The following STK39 variants were observed in gnomAD, a reference collection of about 807,000 sequenced individuals.
STK39 encodes STE20/SPS1-related proline-alanine-rich protein kinase.
In STK39, 20 loss-of-function variants were observed where a neutral mutation model predicts 77.8. The ratio of observed to expected loss-of-function variants is 0.26; its 90% CI spans 0.18 to 0.37. The LOEUF (loss-of-function observed/expected upper bound fraction) is 0.37. Ranked by LOEUF, STK39 falls within the 10% of genes least tolerant of loss-of-function variation. The pLI, the probability that STK39 is intolerant of heterozygous loss-of-function variation, is 1.00. For synonymous variants in STK39, 246 were observed against 234.1 expected, an observed-to-expected ratio of 1.05 and a Z score of -0.47; for missense variants, 479 against 656.5, an observed-to-expected ratio of 0.73 and a Z score of 2.95.
intron 16 of STK39, among the ~76,000 whole-genome samples, chr2:167,984,843 T>C (rs1247615046): frequency 6.6e-6 from 1 of 152,206 alleles, no homozygotes; most frequent in Non-Finnish European, 1.5e-5. Flanking sequence ...AACATTATAA[T>C]AGGTCAAATT....
chr2:168,026,686 C>A (rs946784305), intron 14 of STK39, among the ~76,000 whole-genome samples: 10 of 152,174 alleles, frequency 6.6e-5, no homozygotes, highest in African/African-American at 1.4e-4. Context: ...CCCAGTTATA[C>A]CCCTGCACTC....
At chr2:168,052,098 G>C (rs548593698) in intron 14 of STK39, among the ~76,000 whole-genome samples, 34 of 151,914 alleles carry the variant, frequency 2.2e-4, no homozygotes, top group African/African-American at 8.2e-4. Flanking sequence ...TTTGTCCTGA[G>C]ACCTAGAGGT....
At chr2:167,965,163 A>G (rs898964610) in intron 16 of STK39, among the ~76,000 whole-genome samples, 6 of 152,228 alleles carry the variant, frequency 3.9e-5, no homozygotes, top group African/African-American at 1.2e-4. Context: ...TTCTCTGGAA[A>G]TAGAAGGTCA....
intron 10 of STK39, among the ~76,000 whole-genome samples, chr2:168,100,411 T>C (rs190066394): frequency 1.3e-5 from 2 of 152,216 alleles, no homozygotes; most frequent in Admixed American, 1.3e-4. Flanking sequence ...AGCCTCAGTG[T>C]CTTCATTTAT....
intron 16 of STK39, among the ~76,000 whole-genome samples, chr2:167,983,241 G>T (rs1574365548): frequency 6.6e-6 from 1 of 152,028 alleles, no homozygotes; most frequent in South Asian, 2.1e-4. Context: ...GCACTTTGGG[G>T]GGCTGAGGCG....
At chr2:168,165,385 T>C (rs1385971333) in intron 3 of STK39, among the ~76,000 whole-genome samples, 3 of 152,014 alleles carry the variant, frequency 2.0e-5, no homozygotes, top group Admixed American at 6.6e-5. Flanking sequence ...AATCTTCAGC[T>C]TGAGCAGAGC....
At chr2:168,139,015 T>C (rs961075396) in intron 7 of STK39, among the ~76,000 whole-genome samples, 1 of 152,218 alleles carries the variant, frequency 6.6e-6, no homozygotes, top group Non-Finnish European at 1.5e-5. Flanking sequence ...TTTATGCAAA[T>C]GCTATACATG....
intron 10 of STK39, among the ~76,000 whole-genome samples, chr2:168,097,018 T>C (rs1049980951): frequency 1.3e-5 from 2 of 152,194 alleles, no homozygotes; most frequent in African/African-American, 4.8e-5. Context: ...CATACTACTA[T>C]GGGTCCTTGT....
chr2:168,222,394 G>A (rs761098431), intron 1 of STK39, among the ~76,000 whole-genome samples: 4 of 152,154 alleles, frequency 2.6e-5, no homozygotes, highest in Admixed American at 6.5e-5. Context: ...GGTACTTTGC[G>A]TGATGGAAGA....
At chr2:168,210,670 C>T (rs886574463) in intron 1 of STK39, among the ~76,000 whole-genome samples, 11 of 152,196 alleles carry the variant, frequency 7.2e-5, no homozygotes, top group African/African-American at 2.7e-4. Context: ...CAGGCACCTG[C>T]CACCACACCC....
At chr2:168,048,745 A>T (rs1284789355) in intron 14 of STK39, among the ~76,000 whole-genome samples, 1 of 152,028 alleles carries the variant, frequency 6.6e-6, no homozygotes, top group Non-Finnish European at 1.5e-5. Flanking sequence ...TTCTCTAGCT[A>T]CCTTCTGTAA....
intron 1 of STK39, among the ~76,000 whole-genome samples, chr2:168,191,676 C>T (rs909312417): frequency 1.3e-5 from 2 of 152,208 alleles, no homozygotes; most frequent in African/African-American, 4.8e-5. Context: ...CCATGGTTCC[C>T]TCCTGCGTAT....
intron 10 of STK39, among the ~76,000 whole-genome samples, chr2:168,111,623 T>G (rs926876598): frequency 2.0e-5 from 3 of 152,166 alleles, no homozygotes; most frequent in African/African-American, 7.2e-5. Flanking sequence ...CCAACTTATT[T>G]TAGTTCTCAC....
intron 1 of STK39, among the ~76,000 whole-genome samples, chr2:168,228,263 C>T (rs17190849): frequency 0.38 from 58,397 of 151,696 alleles, 12,127 homozygotes; most frequent in Non-Finnish European, 0.48. Flanking sequence ...TTTTACTTGC[C>T]GTAACAAATT....
chr2:168,107,981 C>T (rs1361184325), intron 10 of STK39, among the ~76,000 whole-genome samples: 1 of 152,184 alleles, frequency 6.6e-6, no homozygotes, highest in East Asian at 1.9e-4. Context: ...CCAAGCCAAC[C>T]AAATTTTAAA....
chr2:168,058,139 CCT>C (rs1182853724), intron 14 of STK39, among the ~76,000 whole-genome samples: 1 of 152,140 alleles, frequency 6.6e-6, no homozygotes, highest in Non-Finnish European at 1.5e-5. Flanking sequence ...TTTGTTATCC[CCT>C]GTTCTCTCTT....
At chr2:168,009,798 C>A (rs1052210285) in intron 16 of STK39, among the ~76,000 whole-genome samples, 1 of 152,032 alleles carries the variant, frequency 6.6e-6, no homozygotes, top group East Asian at 1.9e-4. Flanking sequence ...GGAAAAAAGG[C>A]AAGCTGAAGA....
chr2:167,984,895 T>C (rs1224789898), intron 16 of STK39, among the ~76,000 whole-genome samples: 1 of 152,222 alleles, frequency 6.6e-6, no homozygotes, highest in African/African-American at 2.4e-5. Flanking sequence ...TTTATGCACA[T>C]ACAGCCAGTC....
intron 1 of STK39, 23 bp downstream of exon 1, chr2:168,247,205 C>A: frequency 8.4e-7 from 1 of 1,192,890 alleles, no homozygotes. Flanking sequence ...CTGTGCCGGC[C>A]CCGCCGCGCC....
Sources: allele counts gnomAD v4.1 joint callset (sites outside exome capture counted in the v4.1 genomes callset), GRCh38; gene constraint gnomAD v4.1.1; transcripts MANE v1.5; gene names NCBI Gene and HGNC (gene_info 2026-07-23, HGNC 2026-07-21).